The following EPHA6 variants were observed in gnomAD, a reference collection of about 807,000 sequenced individuals.
EPHA6 encodes the protein EPH receptor A6, also known as ephrin type-A receptor 6.
A neutral mutation model predicts 112.0 loss-of-function variants in EPHA6; 50 were observed. The ratio of observed to expected loss-of-function variants is 0.45; its 90% confidence interval spans 0.36 to 0.56. The LOEUF (loss-of-function observed/expected upper bound fraction) is 0.56. EPHA6 is among the 20% of genes least tolerant of loss of function. The pLI, the probability that EPHA6 is intolerant of heterozygous loss-of-function variation, is 0.00. For synonymous variants in EPHA6, 529 were observed against 490.7 expected (o/e 1.08, Z -1.03); for missense variants, 1,280 against 1,417.4 (o/e 0.90, Z 1.56).
At chr3:97,089,179 T>G (rs2046991766) in intron 3 of EPHA6, among the ~76,000 whole-genome samples, 1 of 152,140 alleles carries the variant, frequency 6.6e-6, no homozygotes, top group African/African-American at 2.4e-5. Flanking sequence ...TTTAACAATT[T>G]GTGAAGCTGT....
chr3:97,184,545 C>G (rs1576637454), intron 3 of EPHA6, among the ~76,000 whole-genome samples: 2 of 152,252 alleles, frequency 1.3e-5, no homozygotes, highest in East Asian at 3.9e-4. Flanking sequence ...CTACAAACTA[C>G]TGCTCAATGA....
At chr3:97,066,007 C>T (rs1429070183) in intron 3 of EPHA6, among the ~76,000 whole-genome samples, 1 of 151,908 alleles carries the variant, frequency 6.6e-6, no homozygotes, top group African/African-American at 2.4e-5. Flanking sequence ...TACTAGCACT[C>T]CTTTTAATAT....
chr3:97,365,492 G>A (rs547969514), intron 5 of EPHA6, among the ~76,000 whole-genome samples: 1 of 152,054 alleles, frequency 6.6e-6, no homozygotes, highest in East Asian at 1.9e-4. Context: ...CCTGGTTCAG[G>A]GGATTCTCCT....
chr3:97,201,991 A>G (rs1227067319), intron 3 of EPHA6, among the ~76,000 whole-genome samples: 2 of 152,114 alleles, frequency 1.3e-5, no homozygotes, highest in African/African-American at 4.8e-5. Context: ...CACATACATA[A>G]CCAAACATGC....
At chr3:97,141,896 G>C (rs1281753038) in intron 3 of EPHA6, among the ~76,000 whole-genome samples, 1 of 151,952 alleles carries the variant, frequency 6.6e-6, no homozygotes, top group Non-Finnish European at 1.5e-5. Flanking sequence ...ACCCTTTTCT[G>C]ATTTGCCCCA....
intron 1 of EPHA6, among the ~76,000 whole-genome samples, chr3:96,817,984 G>A (rs573007543): frequency 2.0e-4 from 30 of 151,990 alleles, no homozygotes; most frequent in African/African-American, 7.2e-4. Flanking sequence ...CGATCAGAAA[G>A]TAAAGGTTCT....
chr3:97,112,643 GT>G (rs149242710), intron 3 of EPHA6, among the ~76,000 whole-genome samples: 8 of 149,062 alleles, frequency 5.4e-5, no homozygotes, highest in South Asian at 4.2e-4. Context: ...ACTATGAGTG[GT>G]TTTTTTTTTC....
At chr3:97,190,593 T>C (rs1354184205) in intron 3 of EPHA6, among the ~76,000 whole-genome samples, 2 of 152,094 alleles carry the variant, frequency 1.3e-5, no homozygotes, top group Non-Finnish European at 2.9e-5. Context: ...GATTTTATTA[T>C]TTATGTTTTA....
intron 3 of EPHA6, among the ~76,000 whole-genome samples, chr3:97,178,445 T>C (rs923140870): frequency 6.6e-6 from 1 of 152,082 alleles, no homozygotes; most frequent in African/African-American, 2.4e-5. Flanking sequence ...TACCAGTGAG[T>C]TTTGTACCTT....
chr3:97,697,104 C>T (rs1019517815), intron 14 of EPHA6, among the ~76,000 whole-genome samples: 1 of 152,144 alleles, frequency 6.6e-6, no homozygotes, highest in African/African-American at 2.4e-5. Flanking sequence ...AATTTCTCCC[C>T]GTGGTCCTAT....
At chr3:96,874,330 G>C (rs760609858) in intron 2 of EPHA6, among the ~76,000 whole-genome samples, 2 of 152,024 alleles carry the variant, frequency 1.3e-5, no homozygotes, top group Non-Finnish European at 2.9e-5. Flanking sequence ...GCATGTTTTA[G>C]ATTGTTTTTA....
At chr3:96,846,032 T>G (rs913261709) in intron 1 of EPHA6, among the ~76,000 whole-genome samples, 4 of 152,176 alleles carry the variant, frequency 2.6e-5, no homozygotes, top group African/African-American at 7.2e-5. Flanking sequence ...TTACATCTGT[T>G]AAACAGTGTT....
chr3:97,030,369 A>C (rs533779308), intron 3 of EPHA6, among the ~76,000 whole-genome samples: 52 of 152,200 alleles, frequency 3.4e-4, no homozygotes, highest in Middle Eastern at 6.8e-3. Flanking sequence ...TTTGGAGGAC[A>C]TGAGGTACAC....
intron 5 of EPHA6, among the ~76,000 whole-genome samples, chr3:97,394,499 G>GA (rs2109077376): frequency 6.6e-6 from 1 of 151,918 alleles, no homozygotes; most frequent in East Asian, 1.9e-4. Flanking sequence ...CAGTAAGGGA[G>GA]AAAATGTTTG....
At chr3:96,980,357 G>A (rs2042713417) in intron 2 of EPHA6, among the ~76,000 whole-genome samples, 1 of 152,128 alleles carries the variant, frequency 6.6e-6, no homozygotes, top group South Asian at 2.1e-4. Context: ...AGATCAGATG[G>A]TTGTAGATGT....
chr3:97,324,418 TTTCTTTC>T (rs1276598020), intron 5 of EPHA6, among the ~76,000 whole-genome samples: 75 of 127,306 alleles, frequency 5.9e-4, no homozygotes, highest in African/African-American at 2.5e-3. Context: ...TCTTTCTTTC[TTTCTTTC>T]TTTCTTTCTT....
At chr3:97,674,146 A>G (rs112577291) in intron 14 of EPHA6, among the ~76,000 whole-genome samples, 1 of 152,214 alleles carries the variant, frequency 6.6e-6, no homozygotes, top group African/African-American at 2.4e-5. Context: ...AATAATATCT[A>G]TGTGAATGGT....
intron 5 of EPHA6, among the ~76,000 whole-genome samples, chr3:97,401,883 A>C (rs570635509): frequency 1.3e-5 from 2 of 152,002 alleles, no homozygotes; most frequent in African/African-American, 4.8e-5. Flanking sequence ...CATTTGCTTC[A>C]AGAAAATGTG....
intron 3 of EPHA6, among the ~76,000 whole-genome samples, chr3:97,074,112 C>T (rs79155698): frequency 1.3e-5 from 2 of 151,984 alleles, no homozygotes; most frequent in East Asian, 3.9e-4. Flanking sequence ...ACACACACCA[C>T]GTTGCATTTA....
Sources: gnomAD v4.1 joint callset for allele counts (sites outside exome capture counted in the v4.1 genomes callset) on GRCh38, gnomAD v4.1.1 for gene constraint, MANE v1.5 for transcripts, NCBI Gene and HGNC (gene_info 2026-07-23, HGNC 2026-07-21) for gene names.